The following MLLT10 variants were observed in gnomAD, a reference collection of about 807,000 sequenced individuals.
The protein encoded by MLLT10 is MLLT10 histone lysine methyltransferase DOT1L cofactor.
In MLLT10, 30 loss-of-function variants were observed where a neutral mutation model predicts 129.1. The ratio of observed to expected loss-of-function variants is 0.23; its 90% CI spans 0.17 to 0.32. MLLT10 has a LOEUF of 0.32. Ranked by LOEUF, MLLT10 falls within the 10% of genes least tolerant of loss-of-function variation. The pLI is 1.00. For synonymous variants in MLLT10, 490 were observed against 446.4 expected, an observed-to-expected ratio of 1.10 and a Z score of -1.23; for missense variants, 1,119 against 1,268.3, an observed-to-expected ratio of 0.88 and a Z score of 1.79.
chr10:21,706,352 G>A (rs1589740899), intron 13 of MLLT10, among the ~76,000 whole-genome samples: 2 of 152,168 alleles, frequency 1.3e-5, no homozygotes, highest in Non-Finnish European at 2.9e-5. Context: ...TATATGCTTC[G>A]CATATGTAAG....
rs1246414465 is a variant in MLLT10 at position 21,625,430 on chromosome 10, A to G, written c.699+8223A>G. ...GTCTGTGCCCAAGTTTCTCACAAAG[A>G]ATACTTTTACCTTAGCCATGACTTC... On this transcript the variant is annotated intron_variant, in intron 8 of 22. Transcript: ENST00000307729. The G allele has an allele frequency of 3.4e-6, 3 of 879,944 alleles. No individual in the cohort carries two copies. In the African/African-American group the frequency reaches 5.0e-5, roughly 15 times the overall value. 54.5% of individuals were successfully genotyped at this position (879,944 alleles called of 1,614,324 possible).
intron 13 of MLLT10, among the ~76,000 whole-genome samples, chr10:21,710,265 A>G (rs948972906): frequency 2.6e-5 from 4 of 152,104 alleles, no homozygotes; most frequent in African/African-American, 9.7e-5. Flanking sequence ...TTGTAAGTAA[A>G]ATACTTATGG....
intron 8 of MLLT10, among the ~76,000 whole-genome samples, chr10:21,646,902 C>G (rs867353156): frequency 1.3e-5 from 2 of 148,584 alleles, no homozygotes. Flanking sequence ...GTCGCCCAGG[C>G]TGGAGTGCAG....
intron 3 of MLLT10, among the ~76,000 whole-genome samples, chr10:21,559,534 C>A (rs1273626822): frequency 2.6e-5 from 4 of 152,164 alleles, no homozygotes; most frequent in Non-Finnish European, 5.9e-5. Context: ...GCATTAAGTA[C>A]ATTCACAGTG....
chr10:21,711,145 A>G lies in MLLT10; in HGVS notation c.1700-2627A>G, dbSNP rs199976473. Among the ~76,000 whole-genome samples, 30 of 152,292 alleles carry G rather than the reference A, an allele frequency of 2.0e-4. No homozygotes were observed. In the East Asian group the frequency reaches 5.8e-3, roughly 29 times the overall value. On this transcript the variant is annotated intron_variant, in intron 13 of 22. Transcript: ENST00000307729. ...CCTTTAGAAATTAGCTTGAGAGGCCAGATGTGGTGGCTCAAACCTGTAATC... is the reference window on the plus strand; with the variant it reads ...CCTTTAGAAATTAGCTTGAGAGGCCGGATGTGGTGGCTCAAACCTGTAATC...
intron 21 of MLLT10, among the ~76,000 whole-genome samples, chr10:21,737,729 G>A (rs1349427953): frequency 6.6e-6 from 1 of 152,038 alleles, no homozygotes; most frequent in Non-Finnish European, 1.5e-5. Flanking sequence ...GGGCAGGCCT[G>A]GCCCTGTGGA....
chr10:21,597,262 C>T (rs868612709), intron 5 of MLLT10, among the ~76,000 whole-genome samples: 1 of 152,066 alleles, frequency 6.6e-6, no homozygotes, highest in Non-Finnish European at 1.5e-5. Context: ...AAATTAACAG[C>T]GATACATTAT....
intron 15 of MLLT10, 49 bp downstream of exon 15, chr10:21,726,404 T>A: frequency 7.5e-7 from 1 of 1,339,058 alleles, no homozygotes; most frequent in Non-Finnish European, 1.1e-6. Flanking sequence ...TCACCTACTT[T>A]AATTTTTTTC....
At position 21,673,522 on chromosome 10, in the gene MLLT10, A is replaced by AG. The variant is rs747811015; in HGVS notation, c.1231dup (p.Val411GlyfsTer3). ...ATAAAGGAGAGTCTGGAAGCCAGGAAGGGGGGGTAAATAGTTTTAGTACCT... is the reference window on the plus strand; with the variant it reads ...ATAAAGGAGAGTCTGGAAGCCAGGAAGGGGGGGGTAAATAGTTTTAGTACCT... On this transcript the variant is annotated frameshift_variant, in exon 11 of 23. Transcript: ENST00000307729. LOFTEE classifies it high-confidence loss of function. The AG allele has an allele frequency of 3.1e-6, 5 of 1,613,644 alleles. No homozygotes were observed. The highest frequency in any genetic ancestry group is 1.7e-5 in the Admixed American group (1 of 59,930).
intron 13 of MLLT10, among the ~76,000 whole-genome samples, chr10:21,709,519 C>T (rs1056793951): frequency 7.2e-5 from 11 of 152,214 alleles, no homozygotes. Flanking sequence ...ATGTGAGCCA[C>T]CGCATCTGGC....
intron 3 of MLLT10, among the ~76,000 whole-genome samples, chr10:21,543,437 G>A (rs896851741): frequency 1.3e-4 from 20 of 151,984 alleles, no homozygotes; most frequent in Admixed American, 6.6e-4. Flanking sequence ...TTTTAAAGAA[G>A]AGGCAAAAGC....
At chr10:21,670,809 T>C in intron 10 of MLLT10, 105 bp downstream of exon 10, 10 of 1,257,184 alleles carry the variant, frequency 8.0e-6, no homozygotes, top group Non-Finnish European at 9.7e-6. Flanking sequence ...TAATGGATGT[T>C]CTAGATTATT....
Position 21,669,066 on chromosome 10 carries a change from T to A in MLLT10, c.796-1383T>A, listed in dbSNP as rs554510437. The A allele has an allele frequency of 2.7e-5, 36 of 1,355,500 alleles. No homozygotes were observed. In the East Asian group the frequency reaches 1.1e-3, roughly 43 times the overall value. 84.0% of individuals were successfully genotyped at this position (1,355,500 alleles called of 1,614,324 possible). A position where few individuals can be genotyped will look rare whatever the true frequency, so the allele number is the denominator to read the frequency against. On this transcript the variant is annotated intron_variant, in intron 9 of 22. Coordinates refer to ENST00000307729, the MANE Select transcript of MLLT10 (RefSeq NM_001195626.3). ...CATATTTCTAAAGTAAGCCATGAAG[T>A]TTCATCAGCTTAAATGTAATTGGTT...
chr10:21,699,698 A>AG (rs1445034489), intron 13 of MLLT10, among the ~76,000 whole-genome samples: 5 of 151,388 alleles, frequency 3.3e-5, no homozygotes, highest in Admixed American at 3.3e-4. Context: ...AAAAAAAAAA[A>AG]GTGGGTTTAT....
chr10:21,612,781 C>G (rs975785570), intron 6 of MLLT10, among the ~76,000 whole-genome samples: 1 of 152,186 alleles, frequency 6.6e-6, no homozygotes, highest in Admixed American at 6.5e-5. Flanking sequence ...AGTGCAGTGT[C>G]TGAATACAAG....
chr10:21,668,442 T>A (rs1474451857), intron 9 of MLLT10, among the ~76,000 whole-genome samples: 1 of 152,150 alleles, frequency 6.6e-6, no homozygotes, highest in Non-Finnish European at 1.5e-5. Context: ...TTAAAATAGA[T>A]GTTTCTCTTT....
rs41304605 is a variant in MLLT10 at position 21,742,507 on chromosome 10, G to A, written c.*524G>A. The A allele has an allele frequency of 0.019, 4,144 of 215,246 alleles. 43 individuals are homozygous for A. Among genetic ancestry groups the A allele is most frequent in the Middle Eastern group, 0.027 (18 of 672 alleles). The allele number at this position is 215,246 out of a possible 1,614,324, so 13.3% of individuals were successfully genotyped here. A position where few individuals can be genotyped will look rare whatever the true frequency, so the allele number is the denominator to read the frequency against. ...ATTACAAATATATAGCACATCACCT[G>A]GGACTTGGCAATCTTTGTTAAAAAA... On this transcript the variant is annotated 3_prime_UTR_variant, in exon 23 of 23. Transcript: ENST00000307729.
intron 10 of MLLT10, 32 bp from the exon 11 acceptor site, chr10:21,673,318 C>CAGGG: frequency 3.3e-6 from 1 of 307,342 alleles, no homozygotes; most frequent in Non-Finnish European, 5.0e-6. Flanking sequence ...CACCCCCCAA[C>CAGGG]TTTTTTTTTT....
chr10:21,539,171 G>T (rs2034624841), intron 3 of MLLT10, among the ~76,000 whole-genome samples: 1 of 152,158 alleles, frequency 6.6e-6, no homozygotes, highest in African/African-American at 2.4e-5. Context: ...ACTAGTTACA[G>T]AATCAAGAAA....
Sources: allele counts gnomAD v4.1 joint callset (sites outside exome capture counted in the v4.1 genomes callset), GRCh38; gene constraint gnomAD v4.1.1; transcripts MANE v1.5; gene names NCBI Gene and HGNC (gene_info 2026-07-23, HGNC 2026-07-21).